The following CEP192 variants were observed in gnomAD, a reference collection of about 807,000 sequenced individuals.
CEP192 encodes centrosomal protein 192.
Under a neutral mutation model 271.8 loss-of-function variants are expected in CEP192, and 151 were observed. The ratio of observed to expected loss-of-function variants is 0.56; its 90% confidence interval spans 0.49 to 0.64. The LOEUF (loss-of-function observed/expected upper bound fraction) is 0.64. Among genes scored for constraint, CEP192 ranks in the 30% least tolerant of loss-of-function variants. The probability of loss-of-function intolerance (pLI) is 0.00; values close to 1 mark genes in which losing one functional copy is unlikely to be tolerated. For missense variants in CEP192, 2,910 were observed against 3,020.5 expected, an observed-to-expected ratio of 0.96 and a Z score of 0.86; for synonymous variants, 995 against 1,076.5, an observed-to-expected ratio of 0.92 and a Z score of 1.48.
At chr18:13,096,356 G>C in intron 36 of CEP192, 49 bp downstream of exon 36, 1 of 1,586,418 alleles carries the variant, frequency 6.3e-7, no homozygotes, top group South Asian at 1.1e-5. Context: ...GTGCTGGCTT[G>C]GTGACTTTCT....
intron 34 of CEP192, among the ~76,000 whole-genome samples, chr18:13,092,743 C>T (rs141480263): frequency 9.9e-5 from 15 of 152,192 alleles, no homozygotes; most frequent in African/African-American, 3.6e-4. Context: ...TCAGACTCAC[C>T]GTTGTTAACA....
At chr18:13,116,905 G>A (rs540112270) in intron 43 of CEP192, among the ~76,000 whole-genome samples, 5 of 152,166 alleles carry the variant, frequency 3.3e-5, no homozygotes, top group South Asian at 4.2e-4. Context: ...CACCACGCCC[G>A]GCCATAATGA....
intron 4 of CEP192, 121 bp downstream of exon 4, chr18:13,008,752 G>A (rs2034141207): frequency 2.8e-6 from 2 of 724,642 alleles, no homozygotes; most frequent in Non-Finnish European, 4.5e-6. Context: ...CGCCCAGGCT[G>A]GAGTGCAGTG....
intron 15 of CEP192, among the ~76,000 whole-genome samples, chr18:13,047,386 C>T (rs544206252): frequency 1.3e-5 from 2 of 152,116 alleles, no homozygotes; most frequent in Non-Finnish European, 2.9e-5. Context: ...CACCTCCTAA[C>T]CCCCCAATGC....
At position 13,008,444 on chromosome 18, in the gene CEP192, C is replaced by T; in HGVS notation, c.291-12C>T. Reference sequence around the variant, plus strand: ...TAACATTTTATCATTCTTCTGTTTCCTAATAAAAAAGTTCTATCTCTAGGA... The same window carrying T: ...TAACATTTTATCATTCTTCTGTTTCTTAATAAAAAAGTTCTATCTCTAGGA... On this transcript the variant is annotated splice_polypyrimidine_tract_variant and intron_variant, in intron 3 of 44. Coordinates refer to ENST00000506447, the MANE Select transcript of CEP192 (RefSeq NM_032142.4). The T allele has an allele frequency of 6.6e-7, 1 of 1,506,408 alleles. No homozygotes were observed. Among genetic ancestry groups the T allele is most frequent in the Non-Finnish European group, 9.0e-7 (1 of 1,115,768 alleles). The allele number at this position is 1,506,408 out of a possible 1,614,324, so 93.3% of individuals were successfully genotyped here. A position where few individuals can be genotyped will look rare whatever the true frequency, so the allele number is the denominator to read the frequency against.
intron 44 of CEP192, among the ~76,000 whole-genome samples, chr18:13,120,048 TCTTTG>T (rs2040595388): frequency 6.6e-6 from 1 of 152,226 alleles, no homozygotes; most frequent in African/African-American, 2.4e-5. Flanking sequence ...GATGTTATAT[TCTTTG>T]CTTAATTTGC....
chr18:13,124,277 C>T (rs2040805735), intron 44 of CEP192, among the ~76,000 whole-genome samples: 1 of 152,052 alleles, frequency 6.6e-6, no homozygotes. Context: ...CTGAGTAAAA[C>T]GGGCATTTAG....
At chr18:13,081,261 G>A (rs1345447307) in intron 30 of CEP192, among the ~76,000 whole-genome samples, 2 of 152,056 alleles carry the variant, frequency 1.3e-5, no homozygotes, top group Admixed American at 6.5e-5. Flanking sequence ...CTGTGAATCC[G>A]TCTGGTCCTG....
At chr18:13,089,147 T>C (rs769555377) in intron 32 of CEP192, among the ~76,000 whole-genome samples, 4 of 152,216 alleles carry the variant, frequency 2.6e-5, no homozygotes, top group Non-Finnish European at 4.4e-5. Flanking sequence ...TTTTGTGTTC[T>C]GAGACAAATT....
At chr18:13,022,370 T>A (rs951776427) in intron 9 of CEP192, among the ~76,000 whole-genome samples, 1 of 152,114 alleles carries the variant, frequency 6.6e-6, no homozygotes, top group African/African-American at 2.4e-5. Flanking sequence ...AAACTTTATT[T>A]TTTTTTTTAA....
At chr18:12,995,780 T>G (rs1286978921) in intron 1 of CEP192, among the ~76,000 whole-genome samples, 1 of 152,138 alleles carries the variant, frequency 6.6e-6, no homozygotes, top group East Asian at 1.9e-4. Flanking sequence ...TAAGTGAACA[T>G]TTGCACAAAG....
intron 30 of CEP192, among the ~76,000 whole-genome samples, chr18:13,080,708 C>T (rs1356700204): frequency 6.6e-6 from 1 of 152,162 alleles, no homozygotes; most frequent in Non-Finnish European, 1.5e-5. Flanking sequence ...GCATCCCTGT[C>T]TTGTGCCAGT....
At chr18:12,995,053 A>ATTTT (rs139962686) in intron 1 of CEP192, among the ~76,000 whole-genome samples, 3 of 88,244 alleles carry the variant, frequency 3.4e-5, no homozygotes, top group Non-Finnish European at 4.1e-5. Flanking sequence ...CATGGGAGGA[A>ATTTT]TTTTTTTTTT....
intron 4 of CEP192, among the ~76,000 whole-genome samples, chr18:13,010,771 G>T (rs2034296211): frequency 6.6e-6 from 1 of 152,012 alleles, no homozygotes; most frequent in African/African-American, 2.4e-5. Flanking sequence ...GCTTGAACCT[G>T]GTAGGTGGAG....
chr18:13,013,139 A>T (rs903722596), intron 5 of CEP192, 114 bp downstream of exon 5: 2 of 559,470 alleles, frequency 3.6e-6, no homozygotes, highest in Non-Finnish European at 6.3e-6. Context: ...TTTTTCTAGT[A>T]GAGCTCTAAC....
At chr18:13,029,423 T>C (rs915414493) in intron 9 of CEP192, among the ~76,000 whole-genome samples, 2 of 152,206 alleles carry the variant, frequency 1.3e-5, no homozygotes, top group African/African-American at 4.8e-5. Context: ...ACTTTTGGTA[T>C]GTAAATCTCT....
In CEP192 at chr18:13,116,427, G is replaced by T; in HGVS notation, c.7340G>T (p.Arg2447Met). ...GTTTATGCCCCAGAGGATGTGTACA[G>T]GTTCCGGCCGACTAGTGTGGGGGAA... ...RGVYAPEDVY[R>M]FRPTSVGESR... is the part of the protein sequence containing the mutation. The change falls in exon 43 of 45, where the codon AGG becomes ATG. Residue 2447 changes from arginine (R) to methionine (M), a missense_variant. By Grantham distance (91) the Arg-to-Met change is moderately conservative. Coordinates refer to ENST00000506447, the MANE Select transcript of CEP192 (RefSeq NM_032142.4). The T allele has an allele frequency of 6.2e-7, 1 of 1,612,996 alleles. No homozygotes were observed. Among genetic ancestry groups the T allele is most frequent in the Non-Finnish European group, 8.5e-7 (1 of 1,179,628 alleles).
In CEP192 at chr18:13,122,017, G is replaced by A. The variant is rs148836443; in HGVS notation, c.7476-2615G>A. On this transcript the variant is annotated intron_variant, in intron 44 of 44. Transcript: ENST00000506447. Reference sequence around the variant, plus strand: ...TAAAAAAATGTTTTGGGCCGGGCATGGTGGCCCATGCCTGTGATCCCAACA... The same window carrying A: ...TAAAAAAATGTTTTGGGCCGGGCATAGTGGCCCATGCCTGTGATCCCAACA... 7.4e-3 allele frequency among the ~76,000 whole-genome samples: 1,127 copies of A among 152,358 alleles called. 12 individuals are homozygous for A. The highest frequency in any genetic ancestry group is 0.025 in the African/African-American group (1,057 of 41,588).
intron 1 of CEP192, among the ~76,000 whole-genome samples, chr18:12,991,814 G>A (rs2032871604): frequency 6.6e-6 from 1 of 152,250 alleles, no homozygotes; most frequent in Non-Finnish European, 1.5e-5. Flanking sequence ...CTTGCAGTGT[G>A]CTTGTGAAGT....
Sources: allele counts gnomAD v4.1 joint callset (sites outside exome capture counted in the v4.1 genomes callset), GRCh38; gene constraint gnomAD v4.1.1; transcripts MANE v1.5; gene names NCBI Gene and HGNC (gene_info 2026-07-23, HGNC 2026-07-21).